PPP1R9A: variants seen among roughly 807,000 people sequenced by gnomAD.
The protein encoded by PPP1R9A is protein phosphatase 1 regulatory subunit 9A.
In PPP1R9A, 59 loss-of-function variants were observed where a neutral mutation model predicts 141.9. The ratio of observed to expected loss-of-function variants is 0.42; its 90% CI spans 0.34 to 0.52. The LOEUF is 0.52. PPP1R9A is among the 20% of genes least tolerant of loss of function. The pLI, the probability that PPP1R9A is intolerant of heterozygous loss-of-function variation, is 0.10. For synonymous variants in PPP1R9A, 500 were observed against 569.7 expected, an observed-to-expected ratio of 0.88 and a Z score of 1.74; for missense variants, 1,444 against 1,611.9, an observed-to-expected ratio of 0.90 and a Z score of 1.78.
At chr7:95,187,389 A>T (rs527844608) in intron 5 of PPP1R9A, among the ~76,000 whole-genome samples, 17 of 152,084 alleles carry the variant, frequency 1.1e-4, no homozygotes, top group African/African-American at 4.1e-4. Flanking sequence ...AATTGAGCTT[A>T]TTCGGATATT....
intron 2 of PPP1R9A, among the ~76,000 whole-genome samples, chr7:95,023,884 G>A (rs1806397699): frequency 6.6e-6 from 1 of 152,152 alleles, no homozygotes; most frequent in Non-Finnish European, 1.5e-5. Context: ...ATGTTAGGGT[G>A]TCGATTTTAG....
At chr7:95,227,925 T>A (rs1795371069) in intron 8 of PPP1R9A, among the ~76,000 whole-genome samples, 1 of 152,212 alleles carries the variant, frequency 6.6e-6, no homozygotes, top group African/African-American at 2.4e-5. Context: ...CTTCAGAATA[T>A]TGCCCCTGTG....
At position 95,154,900 on chromosome 7, in the gene PPP1R9A, A is replaced by G. The variant is rs552576743; in HGVS notation, c.1650-6967A>G. On this transcript the variant is annotated intron_variant, in intron 4 of 19. Transcript: ENST00000433360. The stretch of plus-strand genomic sequence containing the variant: ...AGAAACAAAGAATTTAAAAAATGCA[A>G]CTCTCATTCCTTGTCATGTCTCATA... The G allele has an allele frequency of 7.2e-5, 11 of 152,238 alleles. No individual in the cohort carries two copies. The South Asian group carries it at 1.7e-3, about 23-fold the overall frequency. The allele number at this position is 152,238 out of a possible 1,614,324, so 9.4% of individuals were successfully genotyped here.
chr7:95,108,002 G>GT (rs1819803806), intron 2 of PPP1R9A, among the ~76,000 whole-genome samples: 1 of 152,026 alleles, frequency 6.6e-6, no homozygotes, highest in Non-Finnish European at 1.5e-5. Context: ...ATTACTAAGT[G>GT]TTTTATTGTT....
chr7:95,031,773 A>G (rs1807719084), intron 2 of PPP1R9A, among the ~76,000 whole-genome samples: 1 of 152,052 alleles, frequency 6.6e-6, no homozygotes, highest in Admixed American at 6.6e-5. Context: ...CAAAAAAAAA[A>G]AAAAAAGAAA....
chr7:95,084,900 G>C (rs1435755905), intron 2 of PPP1R9A, among the ~76,000 whole-genome samples: 2 of 151,888 alleles, frequency 1.3e-5, no homozygotes, highest in Non-Finnish European at 2.9e-5. Context: ...CGTTTACATA[G>C]GCACATGAGC....
intron 8 of PPP1R9A, among the ~76,000 whole-genome samples, chr7:95,243,135 C>T (rs944672764): frequency 1.3e-5 from 2 of 152,124 alleles, no homozygotes; most frequent in African/African-American, 4.8e-5. Context: ...GTCCATCTTG[C>T]TCACTTTGCT....
intron 2 of PPP1R9A, among the ~76,000 whole-genome samples, chr7:94,969,763 G>A (rs1459609316): frequency 6.6e-6 from 1 of 152,140 alleles, no homozygotes; most frequent in Admixed American, 6.5e-5. Flanking sequence ...CTTTCCCCCA[G>A]GTGCTCTGTC....
chr7:95,195,717 A>G (rs1836169011), intron 5 of PPP1R9A, among the ~76,000 whole-genome samples: 1 of 152,118 alleles, frequency 6.6e-6, no homozygotes. Flanking sequence ...GTATGTTTGT[A>G]TATGTATATT....
chr7:95,283,572 A>G (rs1174176262), intron 16 of PPP1R9A, among the ~76,000 whole-genome samples: 2 of 152,168 alleles, frequency 1.3e-5, no homozygotes, highest in Admixed American at 6.5e-5. Context: ...TTATTTAAAT[A>G]TATCATTTTC....
At chr7:94,973,969 A>G (rs1799152421) in intron 2 of PPP1R9A, among the ~76,000 whole-genome samples, 1 of 152,028 alleles carries the variant, frequency 6.6e-6, no homozygotes, top group East Asian at 1.9e-4. Flanking sequence ...CTTCCACTTC[A>G]GCCTCCCTAA....
chr7:95,070,496 T>A (rs1319304585), intron 2 of PPP1R9A, among the ~76,000 whole-genome samples: 1 of 151,432 alleles, frequency 6.6e-6, no homozygotes, highest in Non-Finnish European at 1.5e-5. Context: ...AATAAACAGC[T>A]TTTTTTGTTT....
chr7:94,950,653 A>T (rs1796366492), intron 2 of PPP1R9A, among the ~76,000 whole-genome samples: 1 of 151,966 alleles, frequency 6.6e-6, no homozygotes, highest in South Asian at 2.1e-4. Context: ...TAATATATTT[A>T]TTATATAATT....
chr7:95,175,861 G>C (rs1422148993), intron 5 of PPP1R9A, among the ~76,000 whole-genome samples: 1 of 152,052 alleles, frequency 6.6e-6, no homozygotes, highest in Non-Finnish European at 1.5e-5. Context: ...TATAACAATA[G>C]AAAATAATTA....
intron 2 of PPP1R9A, among the ~76,000 whole-genome samples, chr7:95,046,507 C>T (rs560803545): frequency 3.3e-5 from 5 of 152,268 alleles, no homozygotes; most frequent in South Asian, 4.1e-4. Context: ...TTTGATAACA[C>T]GGAATTGTGG....
intron 2 of PPP1R9A, among the ~76,000 whole-genome samples, chr7:95,073,982 T>G (rs1273707588): frequency 6.6e-6 from 1 of 152,214 alleles, no homozygotes; most frequent in Non-Finnish European, 1.5e-5. Context: ...GTAAGAATGA[T>G]GAATGAGGTT....
At position 95,047,240 on chromosome 7, in the gene PPP1R9A, A is replaced by T. The variant is rs574602163; in HGVS notation, c.1396-64019A>T. On this transcript the variant is annotated intron_variant, in intron 2 of 19. Coordinates refer to ENST00000433360, the MANE Select transcript of PPP1R9A (RefSeq NM_001166160.2). ...GCTTTTTACTTTTATAGTATACATG[A>T]ATAAATTTTATCAGCAGGGACTATT... Among the ~76,000 whole-genome samples the T allele has an allele frequency of 2.6e-5, 4 of 152,272 alleles. No homozygotes were observed. In the South Asian group the frequency reaches 8.3e-4, roughly 32 times the overall value.
chr7:94,962,233 A>T (rs1042449735), intron 2 of PPP1R9A, among the ~76,000 whole-genome samples: 1 of 152,016 alleles, frequency 6.6e-6, no homozygotes, highest in African/African-American at 2.4e-5. Flanking sequence ...CAAATTTTAT[A>T]AACCACAAAA....
At chr7:95,181,750 ACATATATATAGAATATATATATATT>A in intron 5 of PPP1R9A, among the ~76,000 whole-genome samples, 1 of 136,484 alleles carries the variant, frequency 7.3e-6, no homozygotes, top group Non-Finnish European at 1.5e-5. Flanking sequence ...ATATTCCGTC[ACATATATATAGAATATATATATATT>A]CCGTCACATA....
Sources: allele counts gnomAD v4.1 joint callset (sites outside exome capture counted in the v4.1 genomes callset), GRCh38; gene constraint gnomAD v4.1.1; transcripts MANE v1.5; gene names NCBI Gene and HGNC (gene_info 2026-07-23, HGNC 2026-07-21).